SUFU: variants seen among roughly 807,000 people sequenced by gnomAD.
SUFU encodes the protein SUFU negative regulator of hedgehog signaling.
In SUFU, 7 loss-of-function variants were observed where a neutral mutation model predicts 58.9. The observed-to-expected ratio is 0.12, with a 90% CI of 0.07 to 0.22. The LOEUF (loss-of-function observed/expected upper bound fraction) is 0.22, where lower values mean the gene tolerates loss of function less well. Ranked by LOEUF, SUFU falls within the 10% of genes least tolerant of loss-of-function variation. The probability of loss-of-function intolerance (pLI) is 1.00; values close to 1 mark genes in which losing one functional copy is unlikely to be tolerated. For synonymous variants in SUFU, 232 were observed against 254.8 expected (o/e 0.91, Z 0.85); for missense variants, 451 against 641.3 (o/e 0.70, Z 3.20).
chr10:102,506,820 A>G (rs925482025), intron 1 of SUFU, among the ~76,000 whole-genome samples: 1 of 152,208 alleles, frequency 6.6e-6, no homozygotes, highest in Non-Finnish European at 1.5e-5. Context: ...TCTGTGGCCC[A>G]GGGTAGCTTG....
chr10:102,603,019 G>C (rs999009229), intron 8 of SUFU, among the ~76,000 whole-genome samples: 30 of 152,182 alleles, frequency 2.0e-4, no homozygotes, highest in African/African-American at 7.2e-4. Flanking sequence ...GCCAATATCT[G>C]TAGAGATTTG....
chr10:102,529,683 A>G (rs2062653952), intron 2 of SUFU, among the ~76,000 whole-genome samples: 1 of 151,920 alleles, frequency 6.6e-6, no homozygotes, highest in Non-Finnish European at 1.5e-5. Context: ...CCCCATCTCT[A>G]CTAAAAATAC....
chr10:102,565,662 A>C (rs2063080644), intron 3 of SUFU, among the ~76,000 whole-genome samples: 1 of 152,118 alleles, frequency 6.6e-6, no homozygotes, highest in East Asian at 1.9e-4. Flanking sequence ...CTCCTGCCTT[A>C]GCCTCCCGAG....
In SUFU at chr10:102,504,306, C is replaced by A. The variant is rs1280289741; in HGVS notation, c.154C>A (p.Leu52Ile). ...RRLYPDQPNP[L>I]QVTAIVKYWL... is the part of the protein sequence containing the mutation. ...CCTTTACCCTGACCAGCCGAACCCG[C>A]TCCAGGTTACCGCTATCGTCAAGTA... Residue 52 changes from leucine (L) to isoleucine (I), a missense_variant, in exon 1 of 12, where the codon CTC becomes ATC. Coordinates refer to ENST00000369902, the MANE Select transcript of SUFU (RefSeq NM_016169.4). The A allele has an allele frequency of 6.2e-7, 1 of 1,614,170 alleles. No homozygotes were observed.
intron 3 of SUFU, among the ~76,000 whole-genome samples, chr10:102,567,601 C>T (rs2063104597): frequency 6.6e-6 from 1 of 152,186 alleles, no homozygotes; most frequent in Non-Finnish European, 1.5e-5. Flanking sequence ...TCACAGAGCC[C>T]TCTCTCTGGA....
At chr10:102,573,062 C>T in intron 3 of SUFU, 1 of 804,736 alleles carries the variant, frequency 1.2e-6, no homozygotes, top group East Asian at 2.4e-5. Flanking sequence ...GGGCTGCCTC[C>T]AGAATCGCAG....
rs1359430977 is a variant in SUFU, at chr10:102,627,216, T to C, written c.1338T>C (p.Asp446=). 6.2e-7 allele frequency: 1 copy of C among 1,614,240 alleles called. No individual in the cohort carries two copies. The highest frequency in any genetic ancestry group is 8.5e-7 in the Non-Finnish European group (1 of 1,180,026). Residue 446 remains aspartate (D), a synonymous_variant, in exon 11 of 12, where the codon GAT becomes GAC. Coordinates refer to ENST00000369902, the MANE Select transcript of SUFU (RefSeq NM_016169.4). ...AGTTTGTAGAGAAAATGTTGGAGGA[T>C]TTAGAAGATTTGACTTCTCCAGAGG... ...TEEFVEKMLE[D]LEDLTSPEEF... is the part of the protein sequence containing the mutation.
rs749533220 is a variant in SUFU at position 102,597,160 on chromosome 10, C to T, written c.777C>T (p.Ile259=). The change falls in exon 7 of 12, where the codon ATC becomes ATT. Residue 259 remains isoleucine, a synonymous_variant. Transcript: ENST00000369902. ...AGCAGGAGAGAGTTGACAAAGGCAT[C>T]GAGACAGATGGCTCCAACCTGAGTG... is the stretch of plus-strand genomic sequence containing the variant. ...PHLQERVDKG[I]ETDGSNLSGV... The T allele has an allele frequency of 1.6e-5, 26 of 1,613,856 alleles. No individual in the cohort carries two copies. Among genetic ancestry groups the T allele is most frequent in the African/African-American group, 8.0e-5 (6 of 74,864 alleles).
At chr10:102,527,163 T>A (rs1424166255) in intron 2 of SUFU, among the ~76,000 whole-genome samples, 1 of 151,870 alleles carries the variant, frequency 6.6e-6, no homozygotes, top group Non-Finnish European at 1.5e-5. Context: ...CCACCACGCC[T>A]GGCTAACTTT....
intron 3 of SUFU, among the ~76,000 whole-genome samples, chr10:102,569,908 G>T (rs968939144): frequency 6.6e-6 from 1 of 152,208 alleles, no homozygotes; most frequent in African/African-American, 2.4e-5. Context: ...ATTCTAGTTT[G>T]AAGACGAAAA....
chr10:102,613,938 C>T (rs2063653461), intron 8 of SUFU, among the ~76,000 whole-genome samples: 1 of 152,216 alleles, frequency 6.6e-6, no homozygotes, highest in Admixed American at 6.5e-5. Context: ...GCTCCTGGGG[C>T]CTTAAAGCCC....
chr10:102,590,311 G>A (rs1306535181), intron 3 of SUFU, among the ~76,000 whole-genome samples: 2 of 151,536 alleles, frequency 1.3e-5, no homozygotes, highest in Non-Finnish European at 2.9e-5. Flanking sequence ...GATTACAGGC[G>A]CCTTCTACCA....
At position 102,509,261 on chromosome 10, in the gene SUFU, G is replaced by T; in HGVS notation, c.275G>T (p.Ser92Ile). Residue 92 changes from serine (S) to isoleucine (I), a missense_variant, in exon 2 of 12, where the codon AGC becomes ATC. Physicochemically the swap from Ser to Ile is moderately radical, Grantham distance 142. Coordinates refer to ENST00000369902, the MANE Select transcript of SUFU (RefSeq NM_016169.4). ...ANIPEHWHYISFGLSDLYGDN... is the reference protein window; with the variant it reads ...ANIPEHWHYIIFGLSDLYGDN... ...ATCCCCGAGCACTGGCACTACATCA[G>T]CTTCGGCCTGAGTGATCTCTATGGT... is the stretch of plus-strand genomic sequence containing the variant. The T allele has an allele frequency of 6.2e-7, 1 of 1,614,194 alleles. No individual in the cohort carries two copies. The highest frequency in any genetic ancestry group is 8.5e-7 in the Non-Finnish European group (1 of 1,180,036).
At chr10:102,616,891 G>A (rs985203918) in intron 9 of SUFU, among the ~76,000 whole-genome samples, 2 of 152,206 alleles carry the variant, frequency 1.3e-5, no homozygotes, top group Non-Finnish European at 2.9e-5. Flanking sequence ...TTGTCTAGAC[G>A]CTACTTCACC....
At chr10:102,568,141 A>G (rs1487824393) in intron 3 of SUFU, among the ~76,000 whole-genome samples, 1 of 152,068 alleles carries the variant, frequency 6.6e-6, no homozygotes, top group African/African-American at 2.4e-5. Flanking sequence ...AAAAAAATCC[A>G]GGCAACACTG....
intron 1 of SUFU, among the ~76,000 whole-genome samples, chr10:102,508,281 G>A (rs534099741): frequency 1.3e-5 from 2 of 152,110 alleles, no homozygotes; most frequent in South Asian, 2.1e-4. Flanking sequence ...GCCAAAACAG[G>A]ATTTTTTTTA....
At chr10:102,510,431 A>G (rs1422265983) in intron 2 of SUFU, among the ~76,000 whole-genome samples, 2 of 147,192 alleles carry the variant, frequency 1.4e-5, no homozygotes, top group African/African-American at 5.0e-5. Flanking sequence ...GATGGTCTTG[A>G]TCTCCTGACC....
At chr10:102,584,990 G>C (rs1156895062) in intron 3 of SUFU, among the ~76,000 whole-genome samples, 1 of 152,270 alleles carries the variant, frequency 6.6e-6, no homozygotes, top group African/African-American at 2.4e-5. Flanking sequence ...GTGCTGTGAT[G>C]TCTCAGCATT....
At chr10:102,579,614 T>C (rs1383324835) in intron 3 of SUFU, among the ~76,000 whole-genome samples, 1 of 152,226 alleles carries the variant, frequency 6.6e-6, no homozygotes, top group East Asian at 1.9e-4. Flanking sequence ...GCGATTCCTT[T>C]GATTCCAGGC....
Sources: allele counts gnomAD v4.1 joint callset (sites outside exome capture counted in the v4.1 genomes callset), GRCh38; gene constraint gnomAD v4.1.1; transcripts MANE v1.5; gene names NCBI Gene and HGNC (gene_info 2026-07-23, HGNC 2026-07-21).